Variants in SCEL observed in about 807,000 individuals in gnomAD.
SCEL encodes the protein sciellin.
In SCEL, 113 loss-of-function variants were observed where a neutral mutation model predicts 117.6. The ratio of observed to expected loss-of-function variants is 0.96; its 90% CI spans 0.83 to 1.12. The LOEUF is 1.12. Among genes scored for constraint, SCEL ranks in the 50% most tolerant of loss-of-function variants. SCEL has a pLI of 0.00. For synonymous variants in SCEL, 270 were observed against 256.2 expected (o/e 1.05, Z -0.51); for missense variants, 785 against 810.8 (o/e 0.97, Z 0.39).
intron 1 of SCEL, among the ~76,000 whole-genome samples, chr13:77,552,822 T>G (rs2084416512): frequency 6.6e-6 from 1 of 152,184 alleles, no homozygotes; most frequent in Non-Finnish European, 1.5e-5. Flanking sequence ...GTTTTTATGG[T>G]TTTGGGTGTA....
chr13:77,569,537 C>A, intron 8 of SCEL, 86 bp downstream of exon 8: 1 of 955,856 alleles, frequency 1.0e-6, no homozygotes, highest in South Asian at 1.5e-5. Context: ...TTGTGGGGAT[C>A]CAGCATCTAC....
At chr13:77,615,634 TG>T (rs1242402418) in intron 24 of SCEL, among the ~76,000 whole-genome samples, 1 of 151,988 alleles carries the variant, frequency 6.6e-6, no homozygotes, top group African/African-American at 2.4e-5. Flanking sequence ...AGAGAAAAAA[TG>T]TTACATTTTC....
chr13:77,573,376 T>C (rs1242837426), intron 9 of SCEL, among the ~76,000 whole-genome samples: 2 of 152,198 alleles, frequency 1.3e-5, no homozygotes, highest in African/African-American at 4.8e-5. Flanking sequence ...CATGTTTCAA[T>C]GGGATCAGTT....
At chr13:77,560,001 G>C in intron 4 of SCEL, 138 bp downstream of exon 4, 1 of 749,986 alleles carries the variant, frequency 1.3e-6, no homozygotes, top group Non-Finnish European at 2.3e-6. Flanking sequence ...AGGAGAATCT[G>C]TGATATCATC....
intron 19 of SCEL, among the ~76,000 whole-genome samples, chr13:77,606,236 C>T (rs1429951349): frequency 1.3e-5 from 2 of 152,130 alleles, no homozygotes; most frequent in African/African-American, 4.8e-5. Context: ...CTTGTGTTTT[C>T]ATGAGCATAT....
At chr13:77,591,130 C>T (rs905901912) in intron 10 of SCEL, among the ~76,000 whole-genome samples, 1 of 151,856 alleles carries the variant, frequency 6.6e-6, no homozygotes, top group African/African-American at 2.4e-5. Context: ...TGATGGAGAA[C>T]AAAAAACAAC....
chr13:77,561,790 C>A (rs2084992840), intron 4 of SCEL, among the ~76,000 whole-genome samples: 1 of 151,990 alleles, frequency 6.6e-6, no homozygotes, highest in Admixed American at 6.6e-5. Context: ...GAGATCTCAC[C>A]AAGGAGGTGG....
intron 1 of SCEL, among the ~76,000 whole-genome samples, chr13:77,549,116 A>G (rs1048341135): frequency 2.0e-5 from 3 of 152,126 alleles, no homozygotes; most frequent in East Asian, 3.9e-4. Context: ...TTCTACTTTT[A>G]GTTTTTTGAG....
chr13:77,625,571 A>G (rs2089689084), intron 27 of SCEL, among the ~76,000 whole-genome samples: 1 of 152,208 alleles, frequency 6.6e-6, no homozygotes, highest in African/African-American at 2.4e-5. Context: ...TTACTCATTT[A>G]AAAAGTAATT....
At chr13:77,588,737 C>A (rs1445191588) in intron 9 of SCEL, among the ~76,000 whole-genome samples, 1 of 152,126 alleles carries the variant, frequency 6.6e-6, no homozygotes, top group African/African-American at 2.4e-5. Context: ...CTTGCTGTTT[C>A]CATAGCAGCC....
rs1247867208 is a variant in SCEL, at chr13:77,567,691, G to C, written c.302G>C (p.Arg101Thr). 6.2e-7 allele frequency: 1 copy of C among 1,607,518 alleles called. No homozygotes were observed. Among genetic ancestry groups the C allele is most frequent in the East Asian group, 2.2e-5 (1 of 44,700 alleles). The change falls in exon 6 of 33, where the codon AGA (arginine) becomes ACA (threonine). Residue 101 changes from arginine (R) to threonine (T), a missense_variant. Coordinates refer to ENST00000349847, the MANE Select transcript of SCEL (RefSeq NM_144777.3). ...GTTTCTTTATAAAGGATCTCAGACA[G>C]AAATGATGCTGCTAAAACATATAAG... ...SDDTLDRISD[R>T]NDAAKTYKAN... is the part of the protein sequence containing the mutation.
intron 28 of SCEL, among the ~76,000 whole-genome samples, chr13:77,634,071 A>G (rs2090158127): frequency 6.6e-6 from 1 of 152,246 alleles, no homozygotes; most frequent in African/African-American, 2.4e-5. Context: ...CATCAGAGAA[A>G]GAGACACTAG....
At position 77,569,418 on chromosome 13, in the gene SCEL, C is replaced by G. The variant is rs777730360; in HGVS notation, c.446C>G (p.Ser149Cys). The G allele has an allele frequency of 2.5e-6, 4 of 1,613,890 alleles. 1 individual carries two copies. The South Asian group carries it at 4.4e-5, about 18-fold the overall frequency. The stretch of plus-strand genomic sequence containing the variant: ...GCCAACACCTCCAACACCATAGCAT[C>G]CACTTCTGCTACTACTCCTGTAAAG... ...LNANTSNTIA[S>C]TSATTPVKKK... The change falls in exon 8 of 33, where the codon TCC (serine) becomes TGC (cysteine). Residue 149 changes from serine to cysteine, a missense_variant. By Grantham distance (112) the Ser-to-Cys change is moderately radical (BLOSUM62 -1). Coordinates refer to ENST00000349847, the MANE Select transcript of SCEL (RefSeq NM_144777.3).
Position 77,618,479 on chromosome 13 carries a change from A to G in SCEL, c.1628+419A>G, listed in dbSNP as rs2089226294. Reference sequence around the variant, plus strand: ...TTACAGGCATGAACCACTCCTTCCTATCCTTTTTTTCTTTTCTTCTTTTCT... The same window carrying G: ...TTACAGGCATGAACCACTCCTTCCTGTCCTTTTTTTCTTTTCTTCTTTTCT... On this transcript the variant is annotated intron_variant, in intron 27 of 32. Transcript: ENST00000349847. Among the ~76,000 whole-genome samples the G allele has an allele frequency of 2.6e-5, 4 of 151,856 alleles. No individual in the cohort carries two copies. The South Asian group carries it at 8.3e-4, about 32-fold the overall frequency.
At position 77,563,916 on chromosome 13, in the gene SCEL, C is replaced by T; in HGVS notation, c.290+17C>T. 6.6e-7 allele frequency: 1 copy of T among 1,518,644 alleles called. No individual in the cohort carries two copies. Among genetic ancestry groups the T allele is most frequent in the Non-Finnish European group, 8.9e-7 (1 of 1,127,188 alleles). The allele number at this position is 1,518,644 out of a possible 1,614,324, so 94.1% of individuals were successfully genotyped here. ...TTTGGACAGGTAAGGGGCTTTTGAA[C>T]CATATAAATGGAATGCATAACATAT... On this transcript the variant is annotated intron_variant, in intron 5 of 32. Coordinates refer to ENST00000349847, the MANE Select transcript of SCEL (RefSeq NM_144777.3).
At chr13:77,608,034 C>A in intron 19 of SCEL, 22 bp from the exon 20 acceptor site, 5 of 1,589,470 alleles carry the variant, frequency 3.1e-6, no homozygotes, top group Non-Finnish European at 4.3e-6. Flanking sequence ...TCAATCTTAA[C>A]CATTTCTTCA....
At chr13:77,575,350 AT>A (rs2085880535) in intron 9 of SCEL, among the ~76,000 whole-genome samples, 1 of 152,184 alleles carries the variant, frequency 6.6e-6, no homozygotes, top group South Asian at 2.1e-4. Flanking sequence ...TATAATTAAT[AT>A]ATCTATTCCT....
chr13:77,578,291 G>T (rs1459834100), intron 9 of SCEL, among the ~76,000 whole-genome samples: 2 of 152,148 alleles, frequency 1.3e-5, no homozygotes, highest in South Asian at 4.2e-4. Flanking sequence ...CACCACATGA[G>T]AACCTCCAAA....
chr13:77,564,634 C>A (rs1296925135), intron 5 of SCEL, among the ~76,000 whole-genome samples: 2 of 152,140 alleles, frequency 1.3e-5, no homozygotes, highest in African/African-American at 2.4e-5. Flanking sequence ...ATTAAATAGG[C>A]ACCATAAGTA....
Sources: allele counts gnomAD v4.1 joint callset (sites outside exome capture counted in the v4.1 genomes callset), GRCh38; gene constraint gnomAD v4.1.1; transcripts MANE v1.5; gene names NCBI Gene and HGNC (gene_info 2026-07-23, HGNC 2026-07-21).